Variants in CDH17 observed in about 807,000 individuals in gnomAD.
CDH17 encodes the protein cadherin 17, also known as cadherin-17.
A neutral mutation model predicts 86.3 loss-of-function variants in CDH17; 67 were observed. That is an observed-to-expected ratio of 0.78 (90% confidence interval 0.64 to 0.95). The LOEUF is 0.95. Among genes scored for constraint, CDH17 ranks in the 40% least tolerant of loss-of-function variants. The pLI is 0.00. For missense variants in CDH17, 993 were observed against 1,017.6 expected (o/e 0.98, Z 0.33); for synonymous variants, 367 against 366.4 (o/e 1.00, Z -0.02).
At chr8:94,188,633 C>T (rs1477073711) in intron 3 of CDH17, among the ~76,000 whole-genome samples, 1 of 152,222 alleles carries the variant, frequency 6.6e-6, no homozygotes, top group Non-Finnish European at 1.5e-5. Context: ...TAGGTCCCTT[C>T]CCTTATTCCC....
At chr8:94,152,821 T>G (rs1812881393) in intron 12 of CDH17, among the ~76,000 whole-genome samples, 1 of 152,036 alleles carries the variant, frequency 6.6e-6, no homozygotes, top group Non-Finnish European at 1.5e-5. Context: ...TCTCACGAGA[T>G]AGAGGAAACT....
At chr8:94,188,507 CT>C (rs1813624455) in intron 3 of CDH17, among the ~76,000 whole-genome samples, 1 of 152,194 alleles carries the variant, frequency 6.6e-6, no homozygotes, top group South Asian at 2.1e-4. Context: ...CCTCCAATCA[CT>C]TCAGGGCCAA....
At chr8:94,174,414 C>T (rs1054689238) in intron 5 of CDH17, among the ~76,000 whole-genome samples, 154 bp from the exon 6 acceptor site, 4 of 152,104 alleles carry the variant, frequency 2.6e-5, no homozygotes, top group South Asian at 4.1e-4. Flanking sequence ...TATCCCACTC[C>T]CCCCTTCCCT....
At chr8:94,214,398 A>C (rs939452901) in intron 1 of CDH17, among the ~76,000 whole-genome samples, 1 of 152,360 alleles carries the variant, frequency 6.6e-6, no homozygotes, top group Middle Eastern at 3.4e-3. Context: ...CCTTAAGAGA[A>C]GTATTTCCTG....
upstream of CDH17, among the ~76,000 whole-genome samples, chr8:94,211,933 C>T (rs927482920): frequency 1.1e-4 from 17 of 152,150 alleles, no homozygotes; most frequent in African/African-American, 4.1e-4. Context: ...GCAGGCTCAA[C>T]CAAGGCCAAT....
intron 11 of CDH17, among the ~76,000 whole-genome samples, chr8:94,161,230 G>C (rs1813045338): frequency 6.6e-6 from 1 of 152,178 alleles, no homozygotes; most frequent in African/African-American, 2.4e-5. Flanking sequence ...GAGAAGAAAT[G>C]GGTTATTTGA....
chr8:94,160,215 C>T, intron 11 of CDH17, 53 bp from the exon 12 acceptor site: 2 of 1,368,900 alleles, frequency 1.5e-6, no homozygotes. Flanking sequence ...TCATCAAAGC[C>T]AAAGGACAAA....
intron 3 of CDH17, among the ~76,000 whole-genome samples, chr8:94,181,910 T>C (rs1289179180): frequency 6.6e-6 from 1 of 151,416 alleles, no homozygotes; most frequent in Non-Finnish European, 1.5e-5. Flanking sequence ...TCAAGAAAAA[T>C]GAGGTAAGAT....
chr8:94,168,301 G>GTTTTT (rs34513341), intron 9 of CDH17, among the ~76,000 whole-genome samples: 2 of 121,648 alleles, frequency 1.6e-5, no homozygotes, highest in African/African-American at 3.1e-5. Flanking sequence ...AATTTTTGCA[G>GTTTTT]TTTTTTTTTT....
intron 1 of CDH17, among the ~76,000 whole-genome samples, chr8:94,206,491 A>G (rs370124632): frequency 1.1e-4 from 16 of 152,336 alleles, no homozygotes; most frequent in African/African-American, 2.4e-4. Context: ...CCTCCAGAGC[A>G]AGGAGCATGA....
intron 3 of CDH17, among the ~76,000 whole-genome samples, chr8:94,185,308 CACACA>C (rs1813559135): frequency 1.4e-5 from 2 of 144,928 alleles, no homozygotes; most frequent in African/African-American, 5.0e-5. Context: ...CACACACACA[CACACA>C]CCCCTGTAAA....
At chr8:94,170,661 A>C in intron 8 of CDH17, 114 bp from the exon 9 acceptor site, 3 of 1,389,982 alleles carry the variant, frequency 2.2e-6, no homozygotes, top group Non-Finnish European at 2.9e-6. Context: ...TAATTCACTT[A>C]GAATTGGAAA....
intron 9 of CDH17, among the ~76,000 whole-genome samples, chr8:94,169,396 C>T (rs965765493): frequency 1.6e-4 from 24 of 152,270 alleles, no homozygotes; most frequent in Admixed American, 1.2e-3. Context: ...GCAGCCCACA[C>T]GACACCTGAT....
At chr8:94,213,082 T>A (rs531119120), upstream of CDH17, among the ~76,000 whole-genome samples, 2 of 152,284 alleles carry the variant, frequency 1.3e-5, no homozygotes, top group African/African-American at 4.8e-5. Context: ...GCGTAAGTAA[T>A]CCTCCTGCCT....
At chr8:94,205,831 A>G (rs1335579444) in intron 1 of CDH17, among the ~76,000 whole-genome samples, 1 of 152,194 alleles carries the variant, frequency 6.6e-6, no homozygotes, top group Non-Finnish European at 1.5e-5. Flanking sequence ...CCCACAGAGC[A>G]GGAAACTGAT....
intron 3 of CDH17, among the ~76,000 whole-genome samples, chr8:94,181,437 T>C (rs1813486280): frequency 6.6e-6 from 1 of 151,920 alleles, no homozygotes; most frequent in East Asian, 1.9e-4. Flanking sequence ...TTTAAAGGGA[T>C]TGAAGTTATA....
intron 14 of CDH17, among the ~76,000 whole-genome samples, chr8:94,146,735 G>A (rs1270903610): frequency 6.6e-6 from 1 of 152,228 alleles, no homozygotes; most frequent in Non-Finnish European, 1.5e-5. Context: ...TTCACAGTAT[G>A]TGGTCAATAA....
At chr8:94,166,762 C>T (rs966509382) in intron 9 of CDH17, among the ~76,000 whole-genome samples, 1 of 152,128 alleles carries the variant, frequency 6.6e-6, no homozygotes, top group Non-Finnish European at 1.5e-5. Context: ...CACAGAGATG[C>T]ACACAGAGGA....
chr8:94,193,346 A>G (rs1027871332), intron 2 of CDH17, among the ~76,000 whole-genome samples: 3 of 152,354 alleles, frequency 2.0e-5, no homozygotes, highest in East Asian at 1.9e-4. Flanking sequence ...GTCAGAGTCC[A>G]TGTGGACGTA....
Sources: gnomAD v4.1 joint callset for allele counts (sites outside exome capture counted in the v4.1 genomes callset) on GRCh38, gnomAD v4.1.1 for gene constraint, MANE v1.5 for transcripts, NCBI Gene and HGNC (gene_info 2026-07-23, HGNC 2026-07-21) for gene names.